The following ERI3 variants were observed in gnomAD, a reference collection of about 807,000 sequenced individuals.
ERI3 encodes ERI1 exoribonuclease 3.
ERI3 carries 18 observed loss-of-function variants against 44.4 expected under a neutral mutation model. That is an observed-to-expected ratio of 0.41 (90% CI 0.28 to 0.60). ERI3 has a LOEUF of 0.60. Ranked by LOEUF, ERI3 falls within the 20% of genes least tolerant of loss-of-function variation. The pLI is 0.36. For missense variants in ERI3, 294 were observed against 435.5 expected (o/e 0.68, Z 2.89); for synonymous variants, 183 against 164.8 (o/e 1.11, Z -0.84).
At chr1:44,226,815 A>ACACACACACACAC (rs1557764548) in intron 8 of ERI3, among the ~76,000 whole-genome samples, 8 of 149,390 alleles carry the variant, frequency 5.4e-5, no homozygotes, top group Non-Finnish European at 1.0e-4. Context: ...ACACACACAC[A>ACACACACACACAC]AACTATCCTA....
chr1:44,348,416 GT>G (rs1181745543), intron 2 of ERI3, among the ~76,000 whole-genome samples: 1 of 152,184 alleles, frequency 6.6e-6, no homozygotes, highest in Non-Finnish European at 1.5e-5. Flanking sequence ...GACACAGAGG[GT>G]CTGAACAGGC....
rs1646978381 is a variant in ERI3, at chr1:44,355,232, A to ACCACGAGT, written c.-214_-207dup. On this transcript the variant is annotated 5_prime_UTR_variant, in exon 1 of 9. Coordinates refer to ENST00000372257, the MANE Select transcript of ERI3 (RefSeq NM_024066.3). ...GGCCGCCTGAACAGCGGCAGCCAGC[A>ACCACGAGT]CCACGAGTCCACAACACACCGACTC... The ACCACGAGT allele has an allele frequency of 8.5e-7, 1 of 1,182,848 alleles. No individual in the cohort carries two copies. Among genetic ancestry groups the ACCACGAGT allele is most frequent in the African/African-American group, 1.6e-5 (1 of 62,532 alleles). 73.3% of individuals were successfully genotyped at this position (1,182,848 alleles called of 1,614,324 possible).
At chr1:44,317,632 G>C (rs1227922322) in intron 4 of ERI3, among the ~76,000 whole-genome samples, 1 of 152,104 alleles carries the variant, frequency 6.6e-6, no homozygotes, top group Non-Finnish European at 1.5e-5. Flanking sequence ...TTATAGTCTA[G>C]TGAAAAGACA....
rs1198112114 is a variant in ERI3 at position 44,228,387 on chromosome 1, G to C, written c.932-6747C>G. Among the ~76,000 whole-genome samples the C allele has an allele frequency of 6.6e-6, 1 of 152,124 alleles. No homozygotes were observed. Among genetic ancestry groups the C allele is most frequent in the Non-Finnish European group, 1.5e-5 (1 of 68,032 alleles). ...AATAAGCGCGCTCCAAATAATTAGC[G>C]TGTTTTACGTAATAATGAAATTACA... On this transcript the variant is annotated intron_variant, in intron 8 of 8. Transcript: ENST00000372257. This position sits in a 1 kb window ranked among gnomAD's most constrained non-coding sequence, Gnocchi z 4.3.
At chr1:44,345,996 C>T (rs1361987909) in intron 2 of ERI3, among the ~76,000 whole-genome samples, 1 of 152,246 alleles carries the variant, frequency 6.6e-6, no homozygotes, top group Non-Finnish European at 1.5e-5. Context: ...GGCCAAGAGC[C>T]TGAGGACTCT....
intron 3 of ERI3, among the ~76,000 whole-genome samples, chr1:44,338,685 A>G (rs531296322): frequency 5.9e-5 from 9 of 152,220 alleles, no homozygotes; most frequent in Non-Finnish European, 1.3e-4. Context: ...AGGAGTTAAG[A>G]ATCATTGAGG....
At chr1:44,273,957 C>A (rs749196095) in intron 7 of ERI3, among the ~76,000 whole-genome samples, 1 of 152,182 alleles carries the variant, frequency 6.6e-6, no homozygotes, top group South Asian at 2.1e-4. Context: ...TGAGCTGGAT[C>A]ATCCAGGGCC....
At position 44,335,770 on chromosome 1, in the gene ERI3, CCATCT is replaced by C. The variant is rs1416772620; in HGVS notation, c.489+3270_489+3274del. Among the ~76,000 whole-genome samples, 158 of 148,882 alleles carry C rather than the reference CCATCT, an allele frequency of 1.1e-3. 4 individuals carry two copies. Among genetic ancestry groups the C allele is most frequent in the Non-Finnish European group, 4.5e-4 (30 of 67,316 alleles). ...TAGCCTGGGCAACAAGAGCGAAACT[CCATCT>C]CAAAAAAAAAAAAAAAAAAGAATCA... On this transcript the variant is annotated intron_variant, in intron 3 of 8. Transcript: ENST00000372257.
At chr1:44,348,069 A>G (rs1330200354) in intron 2 of ERI3, among the ~76,000 whole-genome samples, 1 of 152,210 alleles carries the variant, frequency 6.6e-6, no homozygotes, top group Admixed American at 6.5e-5. Flanking sequence ...ATGAATTAAT[A>G]TGCCCACAGT....
intron 7 of ERI3, among the ~76,000 whole-genome samples, chr1:44,257,860 A>C (rs1380969308): frequency 6.6e-6 from 1 of 152,204 alleles, no homozygotes; most frequent in Non-Finnish European, 1.5e-5. Flanking sequence ...CTCTCGCAGA[A>C]GCTGGCCCTT....
chr1:44,294,640 GCT>G (rs1220824630), intron 6 of ERI3, among the ~76,000 whole-genome samples: 1 of 152,224 alleles, frequency 6.6e-6, no homozygotes, highest in Non-Finnish European at 1.5e-5. Context: ...CCTGGCCAGA[GCT>G]CTCTTTCCTA....
intron 7 of ERI3, among the ~76,000 whole-genome samples, chr1:44,266,935 T>C (rs1197317038): frequency 6.6e-6 from 1 of 152,182 alleles, no homozygotes; most frequent in African/African-American, 2.4e-5. Flanking sequence ...ACCCAGTGAA[T>C]TCCTAGATAG....
chr1:44,264,088 G>A (rs1024019139), intron 7 of ERI3, among the ~76,000 whole-genome samples: 1 of 152,206 alleles, frequency 6.6e-6, no homozygotes, highest in African/African-American at 2.4e-5. Flanking sequence ...AGCAGGAAAG[G>A]AGAAGTTGGG....
chr1:44,283,202 T>G (rs768223499), intron 7 of ERI3, among the ~76,000 whole-genome samples: 21 of 152,136 alleles, frequency 1.4e-4, no homozygotes, highest in African/African-American at 4.6e-4. Flanking sequence ...AGCTCTGCCT[T>G]GGGGGACCTC....
chr1:44,320,923 T>C (rs1303763921), intron 3 of ERI3, among the ~76,000 whole-genome samples: 2 of 152,150 alleles, frequency 1.3e-5, no homozygotes, highest in Non-Finnish European at 2.9e-5. Context: ...GTGACCCTAA[T>C]AGTCAGCTCC....
At chr1:44,327,739 G>A (rs1329147796) in intron 3 of ERI3, among the ~76,000 whole-genome samples, 1 of 152,186 alleles carries the variant, frequency 6.6e-6, no homozygotes, top group African/African-American at 2.4e-5. Flanking sequence ...TCTGGGACTT[G>A]GGCACATGCA....
chr1:44,238,402 G>A (rs922412978), intron 8 of ERI3, among the ~76,000 whole-genome samples: 2 of 152,146 alleles, frequency 1.3e-5, no homozygotes, highest in Admixed American at 1.3e-4. Flanking sequence ...GGGTGTCAGC[G>A]CAGGGCTAGA....
chr1:44,246,658 G>A (rs1644560383), intron 8 of ERI3, among the ~76,000 whole-genome samples: 1 of 152,210 alleles, frequency 6.6e-6, no homozygotes, highest in South Asian at 2.1e-4. Flanking sequence ...ACTGAGGAGA[G>A]GGAAAACCAC....
intron 5 of ERI3, among the ~76,000 whole-genome samples, chr1:44,312,362 C>A (rs148296895): frequency 2.0e-5 from 3 of 152,090 alleles, no homozygotes; most frequent in African/African-American, 7.2e-5. Context: ...CTCCCCTCCC[C>A]CTATAGAGAA....
Sources: allele counts gnomAD v4.1 joint callset (sites outside exome capture counted in the v4.1 genomes callset), GRCh38; gene constraint gnomAD v4.1.1; non-coding constraint Gnocchi (gnomAD v3.1); transcripts MANE v1.5; gene names NCBI Gene and HGNC (gene_info 2026-07-23, HGNC 2026-07-21).